CSTPP1: variants seen among roughly 807,000 people sequenced by gnomAD.
CSTPP1 encodes the protein centriolar satellite-associated tubulin polyglutamylase complex regulator 1, also known as UPF0705 protein C11orf49.
the CSTPP1 span, among the ~76,000 whole-genome samples, chr11:46,966,860 A>T: frequency 3.3e-5 from 5 of 152,344 alleles, no homozygotes; most frequent in Admixed American, 3.3e-4. Context: ...ATAACAAAAT[A>T]TGCAAACTGG....
chr11:47,062,474 C>T, the CSTPP1 span, among the ~76,000 whole-genome samples: 1 of 152,010 alleles, frequency 6.6e-6, no homozygotes, highest in Non-Finnish European at 1.5e-5. Context: ...TAATAGCTAC[C>T]CCTTATTGAG....
chr11:46,978,671 T>C, the CSTPP1 span, among the ~76,000 whole-genome samples: 105 of 152,278 alleles, frequency 6.9e-4, 1 homozygote, highest in African/African-American at 2.4e-3. Context: ...ATAACAAAAA[T>C]AGAAACTCAA....
the CSTPP1 span, among the ~76,000 whole-genome samples, chr11:47,014,749 A>T: frequency 2.8e-5 from 4 of 141,972 alleles, no homozygotes; most frequent in Non-Finnish European, 4.6e-5. Context: ...GAAGGAAAGG[A>T]AGGAAGGGAG....
chr11:46,937,717 TTA>T, the CSTPP1 span, among the ~76,000 whole-genome samples: 1 of 152,042 alleles, frequency 6.6e-6, no homozygotes. Context: ...TTTTGTATAC[TTA>T]ATAGAGACGG....
At chr11:46,946,801 C>T in the CSTPP1 span, among the ~76,000 whole-genome samples, 1 of 152,218 alleles carries the variant, frequency 6.6e-6, no homozygotes, top group Non-Finnish European at 1.5e-5. Flanking sequence ...TGGTTATTGT[C>T]TGTTTCTTAT....
At chr11:47,117,026 GTC>G in the CSTPP1 span, among the ~76,000 whole-genome samples, 1 of 152,136 alleles carries the variant, frequency 6.6e-6, no homozygotes, top group East Asian at 1.9e-4. Flanking sequence ...GCCTATGTGT[GTC>G]TTTGCACGTG....
At chr11:47,114,628 T>C in the CSTPP1 span, among the ~76,000 whole-genome samples, 1 of 152,200 alleles carries the variant, frequency 6.6e-6, no homozygotes, top group African/African-American at 2.4e-5. Flanking sequence ...TTTGGCTCTC[T>C]GTTTGTCTGT....
chr11:47,155,079 C>G, the CSTPP1 span: 1 of 949,200 alleles, frequency 1.1e-6, no homozygotes, highest in Non-Finnish European at 1.7e-6. Context: ...CTCTCTCCCT[C>G]TCCCCCGCAC....
the CSTPP1 span, among the ~76,000 whole-genome samples, chr11:46,963,135 T>C: frequency 6.6e-6 from 1 of 152,252 alleles, no homozygotes; most frequent in East Asian, 1.9e-4. Flanking sequence ...ATTGTGCTGG[T>C]TAGAACCTGC....
chr11:46,988,338 A>G, the CSTPP1 span, among the ~76,000 whole-genome samples: 1 of 152,246 alleles, frequency 6.6e-6, no homozygotes, highest in Admixed American at 6.5e-5. Context: ...TGAATGGGTA[A>G]AGAAAATGTG....
chr11:47,038,673 C>T, the CSTPP1 span, among the ~76,000 whole-genome samples: 2 of 122,220 alleles, frequency 1.6e-5, 1 homozygote, highest in Non-Finnish European at 3.9e-5. Context: ...GCTGGCCGGG[C>T]GGGGGGCTGA....
At chr11:47,055,372 T>G in the CSTPP1 span, among the ~76,000 whole-genome samples, 3 of 129,548 alleles carry the variant, frequency 2.3e-5, no homozygotes, top group East Asian at 5.4e-4. Context: ...CTCCCTTCCT[T>G]CCTTCCCCTC....
the CSTPP1 span, among the ~76,000 whole-genome samples, chr11:47,104,805 G>A: frequency 6.6e-6 from 1 of 152,192 alleles, no homozygotes; most frequent in Non-Finnish European, 1.5e-5. Flanking sequence ...TGAAATGTTT[G>A]TCATTTTATG....
At chr11:47,118,441 G>A in the CSTPP1 span, among the ~76,000 whole-genome samples, 1 of 152,112 alleles carries the variant, frequency 6.6e-6, no homozygotes, top group African/African-American at 2.4e-5. Context: ...ACCTTCTGAC[G>A]CCTACTTCTG....
the CSTPP1 span, among the ~76,000 whole-genome samples, chr11:47,057,565 G>T: frequency 2.0e-5 from 3 of 152,148 alleles, no homozygotes; most frequent in African/African-American, 7.2e-5. Context: ...GGGGGCTGTG[G>T]ATTCTGAGAG....
the CSTPP1 span, among the ~76,000 whole-genome samples, chr11:47,059,472 A>G: frequency 3.9e-5 from 6 of 152,214 alleles, no homozygotes; most frequent in African/African-American, 9.6e-5. Flanking sequence ...AGTCAATTCT[A>G]TAGAAGCGGG....
chr11:47,081,738 A>C, the CSTPP1 span, among the ~76,000 whole-genome samples: 11 of 152,174 alleles, frequency 7.2e-5, no homozygotes, highest in African/African-American at 2.2e-4. Flanking sequence ...CATGTTAAGA[A>C]TATGATATTG....
chr11:47,039,653 A>G, the CSTPP1 span, among the ~76,000 whole-genome samples: 1 of 127,896 alleles, frequency 7.8e-6, no homozygotes, highest in African/African-American at 2.5e-5. Flanking sequence ...CCTGGCTAAC[A>G]TGATGAAACC....
the CSTPP1 span, chr11:47,052,536 C>T: frequency 6.2e-7 from 1 of 1,609,812 alleles, no homozygotes; most frequent in Non-Finnish European, 8.5e-7. Context: ...TTCCCAAATT[C>T]TTTTTCCTTC....
Sources: allele counts gnomAD v4.1 joint callset (sites outside exome capture counted in the v4.1 genomes callset), GRCh38; gene constraint gnomAD v4.1.1; transcripts MANE v1.5; gene names NCBI Gene and HGNC (gene_info 2026-07-23, HGNC 2026-07-21).